CEP63: variants seen among roughly 807,000 people sequenced by gnomAD.
The protein encoded by CEP63 is centrosomal protein 63.
Under a neutral mutation model 89.1 loss-of-function variants are expected in CEP63, and 84 were observed. The ratio of observed to expected loss-of-function variants is 0.94; its 90% CI spans 0.79 to 1.13. The LOEUF is 1.13. CEP63 is among the 50% of genes most tolerant of loss of function. The pLI, the probability that CEP63 is intolerant of heterozygous loss-of-function variation, is 0.00. For missense variants in CEP63, 838 were observed against 813.3 expected (o/e 1.03, Z -0.37); for synonymous variants, 267 against 272.5 (o/e 0.98, Z 0.20).
At chr3:134,648,744 G>T in the CEP63 span, among the ~76,000 whole-genome samples, 1 of 151,886 alleles carries the variant, frequency 6.6e-6, no homozygotes, top group Non-Finnish European at 1.5e-5. Context: ...CCAGCAGAAG[G>T]CCCTTCCAGC....
At chr3:134,734,145 A>G in the CEP63 span, among the ~76,000 whole-genome samples, 6 of 152,116 alleles carry the variant, frequency 3.9e-5, no homozygotes, top group African/African-American at 7.2e-5. Context: ...ACAGAAAAAT[A>G]AAAACGTGTT....
intron 10 of CEP63, among the ~76,000 whole-genome samples, chr3:134,586,014 G>C (rs1958476389): frequency 7.1e-6 from 1 of 140,852 alleles, no homozygotes. Flanking sequence ...GACTAGGATT[G>C]CAACTCCTGC....
At chr3:134,751,395 C>A in the CEP63 span, among the ~76,000 whole-genome samples, 1 of 152,178 alleles carries the variant, frequency 6.6e-6, no homozygotes, top group Non-Finnish European at 1.5e-5. Context: ...GAGTATATGC[C>A]TATAGGCTAA....
At chr3:134,668,908 G>A in the CEP63 span, among the ~76,000 whole-genome samples, 1 of 152,084 alleles carries the variant, frequency 6.6e-6, no homozygotes, top group Non-Finnish European at 1.5e-5. Flanking sequence ...CAAAGAACTC[G>A]TCTTATATTT....
chr3:134,570,115 G>A (rs568422197), intron 11 of CEP63, among the ~76,000 whole-genome samples: 22 of 152,280 alleles, frequency 1.4e-4, no homozygotes, highest in African/African-American at 5.1e-4. Flanking sequence ...TTCTTCCTAG[G>A]CCTCCAGGCC....
the CEP63 span, among the ~76,000 whole-genome samples, chr3:134,634,290 A>G: frequency 1.3e-5 from 2 of 152,178 alleles, no homozygotes; most frequent in Admixed American, 6.5e-5. Context: ...GAACTGGAAT[A>G]ACTAAACTAA....
chr3:134,751,679 G>C, the CEP63 span, among the ~76,000 whole-genome samples: 7 of 152,128 alleles, frequency 4.6e-5, no homozygotes, highest in Non-Finnish European at 8.8e-5. Context: ...TGGGGGAAGG[G>C]GTAGGTATGT....
the CEP63 span, among the ~76,000 whole-genome samples, chr3:134,612,799 C>T: frequency 6.6e-5 from 4 of 60,976 alleles, no homozygotes; most frequent in Non-Finnish European, 7.2e-5. Context: ...GTGTGTGTTG[C>T]CTGCATGCAC....
chr3:134,624,563 C>G, the CEP63 span, among the ~76,000 whole-genome samples: 3 of 152,228 alleles, frequency 2.0e-5, no homozygotes, highest in Admixed American at 2.0e-4. Flanking sequence ...TCTGCTCCTC[C>G]CACCTGCACC....
intron 3 of CEP63, among the ~76,000 whole-genome samples, chr3:134,525,441 T>C (rs1321314119): frequency 6.6e-6 from 1 of 152,210 alleles, no homozygotes; most frequent in Non-Finnish European, 1.5e-5. Context: ...ATGGGTCTCT[T>C]GAAGACAGCA....
At chr3:134,616,784 G>A in the CEP63 span, among the ~76,000 whole-genome samples, 2 of 152,130 alleles carry the variant, frequency 1.3e-5, no homozygotes, top group African/African-American at 4.8e-5. Flanking sequence ...AGAGTCTGTA[G>A]GAAAACTCCA....
At chr3:134,617,664 A>T in the CEP63 span, among the ~76,000 whole-genome samples, 177 of 152,302 alleles carry the variant, frequency 1.2e-3, no homozygotes, top group Non-Finnish European at 2.0e-3. Context: ...TTAAATTTAA[A>T]AATGTTATTA....
the CEP63 span, among the ~76,000 whole-genome samples, chr3:134,725,488 G>C: frequency 6.6e-6 from 1 of 152,252 alleles, no homozygotes; most frequent in South Asian, 2.1e-4. Flanking sequence ...CCCAACAAGA[G>C]CTGATATGTG....
At chr3:134,653,140 C>T in the CEP63 span, among the ~76,000 whole-genome samples, 1 of 152,208 alleles carries the variant, frequency 6.6e-6, no homozygotes, top group South Asian at 2.1e-4. Context: ...AGCTTCGGAG[C>T]AGGGCCTCTC....
the CEP63 span, among the ~76,000 whole-genome samples, chr3:134,756,968 C>A: frequency 6.6e-6 from 1 of 152,170 alleles, no homozygotes; most frequent in Non-Finnish European, 1.5e-5. Context: ...ATCATAGACC[C>A]TGCACATGTC....
chr3:134,521,052 C>T (rs1947326472), intron 3 of CEP63, among the ~76,000 whole-genome samples: 1 of 151,730 alleles, frequency 6.6e-6, no homozygotes, highest in African/African-American at 2.4e-5. Flanking sequence ...AACATACAAC[C>T]AACAAAAGAT....
chr3:134,701,208 GTA>G, the CEP63 span, among the ~76,000 whole-genome samples: 2 of 2,554 alleles, frequency 7.8e-4, no homozygotes, highest in African/African-American at 9.3e-4. Flanking sequence ...ACATATATAC[GTA>G]TATATGTGTG....
chr3:134,608,961 C>A, the CEP63 span: 1 of 1,134,048 alleles, frequency 8.8e-7, no homozygotes, highest in Non-Finnish European at 1.2e-6. Flanking sequence ...CCGACCCTAA[C>A]ATGGGCACTG....
the CEP63 span, among the ~76,000 whole-genome samples, chr3:134,760,081 C>T: frequency 9.0e-6 from 1 of 110,778 alleles, no homozygotes; most frequent in Non-Finnish European, 1.9e-5. Context: ...TTTTTTGAGA[C>T]GGAGTCTCGC....
Sources: gnomAD v4.1 joint callset for allele counts (sites outside exome capture counted in the v4.1 genomes callset) on GRCh38, gnomAD v4.1.1 for gene constraint, MANE v1.5 for transcripts, NCBI Gene and HGNC (gene_info 2026-07-23, HGNC 2026-07-21) for gene names.